Variants in TRIM58 observed in about 807,000 individuals in gnomAD.
The protein encoded by TRIM58 is E3 ubiquitin-protein ligase TRIM58.
In TRIM58, 38 loss-of-function variants were observed where a neutral mutation model predicts 34.1. That is an observed-to-expected ratio of 1.12 (90% confidence interval 0.86 to 1.46). The LOEUF is 1.46. TRIM58 is among the 40% of genes most tolerant of loss of function. The pLI is 0.00. For missense variants in TRIM58, 677 were observed against 642.0 expected, an observed-to-expected ratio of 1.05 and a Z score of -0.59; for synonymous variants, 273 against 275.7, an observed-to-expected ratio of 0.99 and a Z score of 0.10.
intron 1 of TRIM58, among the ~76,000 whole-genome samples, chr1:247,858,730 C>T (rs549316486): frequency 6.9e-6 from 1 of 145,034 alleles, no homozygotes; most frequent in East Asian, 2.1e-4. Context: ...TAAAAAAAGT[C>T]CAGAAAGAGG....
intron 3 of TRIM58, 39 bp from the exon 4 acceptor site, chr1:247,867,806 C>A: frequency 6.2e-7 from 1 of 1,613,924 alleles, no homozygotes; most frequent in Non-Finnish European, 8.5e-7. Flanking sequence ...AAAAGCAGTT[C>A]AGAGTCCAAC....
chr1:247,875,885 A>G lies in TRIM58; in HGVS notation c.872-15A>G. 6.3e-7 allele frequency: 1 copy of G among 1,597,886 alleles called. No homozygotes were observed. On this transcript the variant is annotated splice_polypyrimidine_tract_variant and intron_variant, in intron 5 of 5. Transcript: ENST00000366481. ...TTTCTTTCCTTTCACCTGGTCCACC[A>G]CATTCTTTCCGCAGTGGATGTAAAG... is the stretch of plus-strand genomic sequence containing the variant.
chr1:247,857,319 G>C lies in TRIM58; in HGVS notation c.73G>C (p.Glu25Gln). Residue 25 changes from glutamate to glutamine, a missense_variant, in exon 1 of 6, where the codon GAG becomes CAG. Physicochemically the swap from Glu to Gln is conservative, Grantham distance 29. Coordinates refer to ENST00000366481, the MANE Select transcript of TRIM58 (RefSeq NM_015431.4). The part of the protein sequence containing the change: ...RCPVCLDFLQ[E>Q]PVSVDCGHSF... ...CCCGGTGTGCCTGGATTTCCTGCAG[G>C]AGCCGGTCAGCGTGGACTGCGGCCA... 2 of 1,454,234 alleles carry C rather than the reference G, an allele frequency of 1.4e-6. No homozygotes were observed. Among genetic ancestry groups the C allele is most frequent in the Non-Finnish European group, 1.8e-6 (2 of 1,098,446 alleles). The allele number at this position is 1,454,234 out of a possible 1,614,324, so 90.1% of individuals were successfully genotyped here. A position where few individuals can be genotyped will look rare whatever the true frequency, so the allele number is the denominator to read the frequency against.
chr1:247,857,523 G>T lies in TRIM58; in HGVS notation c.277G>T (p.Ala93Ser). Residue 93 changes from alanine (A) to serine (S), a missense_variant, in exon 1 of 6, where the codon GCG becomes TCG. Ala to Ser is a moderately conservative substitution (Grantham distance 99). Coordinates refer to ENST00000366481, the MANE Select transcript of TRIM58 (RefSeq NM_015431.4). The part of the protein sequence containing the change: ...RRLGLGAGPG[A>S]RRCARHGEDL... ...GCTGGGGTTGGGCGCGGGGCCCGGG[G>T]CGCGGCGATGCGCGCGGCACGGCGA... 1 of 1,284,620 alleles carries T rather than the reference G, an allele frequency of 7.8e-7. No individual in the cohort carries two copies. Among genetic ancestry groups the T allele is most frequent in the Non-Finnish European group, 9.8e-7 (1 of 1,019,700 alleles). 79.6% of individuals were successfully genotyped at this position (1,284,620 alleles called of 1,614,324 possible).
chr1:247,860,601 A>AAATGTT lies in TRIM58; in HGVS notation c.421-15_421-10dup. ...AGATTGAGGGCATCTGTAACAGCTGAAATGTTCCCAAACAGGTAAAGCTCC... is the reference window on the plus strand; with the variant it reads ...AGATTGAGGGCATCTGTAACAGCTGAAATGTTAATGTTCCCAAACAGGTAAAGCTCC... On this transcript the variant is annotated splice_polypyrimidine_tract_variant and intron_variant, in intron 1 of 5. Transcript: ENST00000366481. 2.5e-6 allele frequency: 4 copies of AAATGTT among 1,602,596 alleles called. No homozygotes were observed. The African/African-American group carries it at 4.0e-5, about 16-fold the overall frequency.
chr1:247,857,647 A>T lies in TRIM58; in HGVS notation c.401A>T (p.Glu134Val). Residue 134 changes from glutamate (E) to valine (V), a missense_variant, in exon 1 of 6, where the codon GAG (glutamate) becomes GTG (valine). Coordinates refer to ENST00000366481, the MANE Select transcript of TRIM58 (RefSeq NM_015431.4). ...ACGCACCGCACGGCGCCGCTGCAGG[A>T]GGCCGCCGGCAGCTACCAGGTGAGG... ...HRTHRTAPLQ[E>V]AAGSYQVKLQ... The T allele has an allele frequency of 8.1e-7, 1 of 1,234,244 alleles. No homozygotes were observed. The highest frequency in any genetic ancestry group is 1.0e-6 in the Non-Finnish European group (1 of 989,296). The allele number at this position is 1,234,244 out of a possible 1,614,324, so 76.5% of individuals were successfully genotyped here. A position where few individuals can be genotyped will look rare whatever the true frequency, so the allele number is the denominator to read the frequency against.
chr1:247,871,197 G>C lies in TRIM58; in HGVS notation c.871+3134G>C, dbSNP rs529879924. Among the ~76,000 whole-genome samples the C allele has an allele frequency of 2.0e-5, 3 of 152,280 alleles. No homozygotes were observed. The South Asian group carries it at 6.2e-4, about 32-fold the overall frequency. ...GCTTATAAAATGCTAAAAATAAATT[G>C]CTTGGAGGACAAAATGAAACATTTG... On this transcript the variant is annotated intron_variant, in intron 5 of 5. Transcript: ENST00000366481.
At chr1:247,868,101 G>A (rs200283589) in intron 5 of TRIM58, 38 bp downstream of exon 5, 2 of 1,542,488 alleles carry the variant, frequency 1.3e-6, no homozygotes, top group Non-Finnish European at 1.8e-6. Flanking sequence ...AGGCTGCCTG[G>A]GGTTTGAAGA....
In TRIM58 at chr1:247,857,657, CA is replaced by C; in HGVS notation, c.412del (p.Ser138AlafsTer4). On this transcript the variant is annotated frameshift_variant, in exon 1 of 6. Transcript: ENST00000366481. LOFTEE classifies it high-confidence loss of function. ...CGGCGCCGCTGCAGGAGGCCGCCGGCAGCTACCAGGTGAGGCGCCCCCCGGC... is the reference window on the plus strand; with the variant it reads ...CGGCGCCGCTGCAGGAGGCCGCCGGCGCTACCAGGTGAGGCGCCCCCCGGC... ...RTAPLQEAAG[S>X]YQVKLQMALE... 8.1e-7 allele frequency: 1 copy of C among 1,232,074 alleles called. No individual in the cohort carries two copies. The highest frequency in any genetic ancestry group is 1.0e-6 in the Non-Finnish European group (1 of 988,076). The allele number at this position is 1,232,074 out of a possible 1,614,324, so 76.3% of individuals were successfully genotyped here.
At chr1:247,864,469 C>T (rs1408443870) in intron 2 of TRIM58, among the ~76,000 whole-genome samples, 1 of 152,174 alleles carries the variant, frequency 6.6e-6, no homozygotes, top group Non-Finnish European at 1.5e-5. Flanking sequence ...TGCCCCCAAG[C>T]CTGTGGCAAA....
At position 247,859,852 on chromosome 1, in the gene TRIM58, C is replaced by T. The variant is rs115281120; in HGVS notation, c.421-765C>T. 8.5e-3 allele frequency among the ~76,000 whole-genome samples: 1,294 copies of T among 152,000 alleles called. 13 individuals carry two copies. The highest frequency in any genetic ancestry group is 0.029 in the African/African-American group (1,214 of 41,490). ...TATATGAAATATAGAGATATAATAGCATCACTCTTCATCCAAACACCAATA... is the reference window on the plus strand; with the variant it reads ...TATATGAAATATAGAGATATAATAGTATCACTCTTCATCCAAACACCAATA... On this transcript the variant is annotated intron_variant, in intron 1 of 5. Transcript: ENST00000366481.
rs1025074240 is a variant in TRIM58, at chr1:247,875,798, A to C, written c.872-102A>C. 3 of 957,826 alleles carry C rather than the reference A, an allele frequency of 3.1e-6. No individual in the cohort carries two copies. The African/African-American group carries it at 4.9e-5, about 16-fold the overall frequency. The allele number at this position is 957,826 out of a possible 1,614,324, so 59.3% of individuals were successfully genotyped here. A position where few individuals can be genotyped will look rare whatever the true frequency, so the allele number is the denominator to read the frequency against. On this transcript the variant is annotated intron_variant, in intron 5 of 5. Transcript: ENST00000366481. ...TTGTTTTCTCTAGGAGTTAATAGAG[A>C]GAGAAAAGTGAGGAACTGTGGGACT...
At position 247,878,607 on chromosome 1, in the gene TRIM58, C is replaced by G. The variant is rs191789495; in HGVS notation, c.*2118C>G. ...TGGACTTCAGCTCAGCAACAGCATC[C>G]CTTCCCACAGGGATCAGGTGGGTGG... is the stretch of plus-strand genomic sequence containing the variant. On this transcript the variant is annotated 3_prime_UTR_variant, in exon 6 of 6. Transcript: ENST00000366481. Among the ~76,000 whole-genome samples the G allele has an allele frequency of 6.9e-4, 105 of 152,160 alleles. No individual in the cohort carries two copies. The highest frequency in any genetic ancestry group is 2.5e-3 in the African/African-American group (104 of 41,490).
chr1:247,862,139 A>T (rs1663807736), intron 2 of TRIM58, among the ~76,000 whole-genome samples: 1 of 152,208 alleles, frequency 6.6e-6, no homozygotes, highest in Non-Finnish European at 1.5e-5. Flanking sequence ...AGACAAAAAA[A>T]GGAAAAAAGA....
intron 1 of TRIM58, among the ~76,000 whole-genome samples, chr1:247,859,561 A>G (rs1047120152): frequency 1.3e-5 from 2 of 152,120 alleles, no homozygotes; most frequent in African/African-American, 4.8e-5. Flanking sequence ...TGAGCGCCCT[A>G]TCATTGAAGG....
intron 2 of TRIM58, among the ~76,000 whole-genome samples, chr1:247,861,539 A>G (rs1663793189): frequency 6.6e-6 from 1 of 152,162 alleles, no homozygotes; most frequent in Non-Finnish European, 1.5e-5. Flanking sequence ...AACTGTGTGT[A>G]TAGTTCTATA....
chr1:247,865,795 C>T (rs145572585), intron 3 of TRIM58, among the ~76,000 whole-genome samples: 263 of 152,208 alleles, frequency 1.7e-3, no homozygotes, highest in Non-Finnish European at 2.7e-3. Context: ...TTATCTGGAC[C>T]GACTCCTATC....
At chr1:247,870,940 ACGCC>A (rs1188534884) in intron 5 of TRIM58, among the ~76,000 whole-genome samples, 9 of 83,422 alleles carry the variant, frequency 1.1e-4, no homozygotes, top group Admixed American at 1.4e-4. Context: ...CTGCACCACC[ACGCC>A]CAGAAGAACG....
chr1:247,874,256 G>A (rs1281685436), intron 5 of TRIM58, among the ~76,000 whole-genome samples: 4 of 152,208 alleles, frequency 2.6e-5, no homozygotes. Flanking sequence ...CTACAGTCAT[G>A]GTGGAAAGCA....
Sources: gnomAD v4.1 joint callset for allele counts (sites outside exome capture counted in the v4.1 genomes callset) on GRCh38, gnomAD v4.1.1 for gene constraint, MANE v1.5 for transcripts, NCBI Gene and HGNC (gene_info 2026-07-23, HGNC 2026-07-21) for gene names.